Variants in SFT2D1 observed in about 807,000 individuals in gnomAD.
SFT2D1 encodes the protein SFT2 domain containing 1.
Under a neutral mutation model 28.1 loss-of-function variants are expected in SFT2D1, and 24 were observed. That is an observed-to-expected ratio of 0.85 (90% CI 0.62 to 1.20). The LOEUF (loss-of-function observed/expected upper bound fraction) is 1.20. Among genes scored for constraint, SFT2D1 ranks in the 50% most tolerant of loss-of-function variants. SFT2D1 has a pLI of 0.00. For synonymous variants in SFT2D1, 82 were observed against 73.7 expected (o/e 1.11, Z -0.58); for missense variants, 181 against 190.9 (o/e 0.95, Z 0.31).
At chr6:166,331,290 A>G (rs1778544035) in intron 1 of SFT2D1, 3 of 152,692 alleles carry the variant, frequency 2.0e-5, no homozygotes, top group Admixed American at 2.0e-4. Context: ...ATCCACTTAA[A>G]AATAAGACTA....
rs1562444110 is a variant in SFT2D1, at chr6:166,329,607, A to AT, written c.151-19_151-18insA. 6.4e-7 allele frequency: 1 copy of AT among 1,557,922 alleles called. No homozygotes were observed. The highest frequency in any genetic ancestry group is 8.7e-7 in the Non-Finnish European group (1 of 1,150,230). The stretch of plus-strand genomic sequence containing the variant: ...CCAGTTCCCTAAGTTAAGATATTAT[A>AT]GTTATTTTAAAATAATTTTATGATT... On this transcript the variant is annotated intron_variant, in intron 2 of 7. Transcript: ENST00000361731.
chr6:166,327,781 T>G (rs1045839077), intron 4 of SFT2D1, among the ~76,000 whole-genome samples: 6 of 152,088 alleles, frequency 3.9e-5, no homozygotes, highest in African/African-American at 1.5e-4. Flanking sequence ...CCATCTGAAC[T>G]CTATAACCAC....
intron 6 of SFT2D1, 55 bp downstream of exon 6, chr6:166,324,482 T>C: frequency 1.9e-6 from 3 of 1,550,898 alleles, no homozygotes; most frequent in Non-Finnish European, 2.6e-6. Flanking sequence ...CCAAACAAAA[T>C]GCTCGTCACG....
rs1202131513 is a variant in SFT2D1 at position 166,322,890 on chromosome 6, C to A, written c.411-4G>T. 1.2e-6 allele frequency: 2 copies of A among 1,611,134 alleles called. No homozygotes were observed. Among genetic ancestry groups the A allele is most frequent in the African/African-American group, 2.7e-5 (2 of 74,848 alleles). ...TGGGATGTACGACAGGCTATACCTGCAAGAAATATTCAAGCATGTTGAATC... is the reference window on the plus strand; with the variant it reads ...TGGGATGTACGACAGGCTATACCTGAAAGAAATATTCAAGCATGTTGAATC... On this transcript the variant is annotated splice_polypyrimidine_tract_variant and splice_region_variant and intron_variant, in intron 6 of 7. Transcript: ENST00000361731.
chr6:166,324,870 TAG>T (rs1778416117), intron 5 of SFT2D1, among the ~76,000 whole-genome samples: 1 of 152,246 alleles, frequency 6.6e-6, no homozygotes, highest in South Asian at 2.1e-4. Context: ...CTGAAAACAT[TAG>T]ACTTTTAAAG....
chr6:166,322,792 A>T, intron 7 of SFT2D1, 65 bp downstream of exon 7: 1 of 1,336,872 alleles, frequency 7.5e-7, no homozygotes, highest in Non-Finnish European at 1.1e-6. Context: ...AAATTACTTA[A>T]ATTCATATAT....
At chr6:166,328,384 G>A in intron 3 of SFT2D1, 27 bp from the exon 4 acceptor site, 2 of 1,321,804 alleles carry the variant, frequency 1.5e-6, no homozygotes, top group East Asian at 2.5e-5. Flanking sequence ...AAGTGACTGA[G>A]GTACAGGTCT....
intron 7 of SFT2D1, among the ~76,000 whole-genome samples, chr6:166,321,622 C>T (rs1290720675): frequency 6.6e-6 from 1 of 152,212 alleles, no homozygotes; most frequent in Non-Finnish European, 1.5e-5. Context: ...CAATTTCCTT[C>T]ACTGTTCGTA....
intron 1 of SFT2D1, among the ~76,000 whole-genome samples, chr6:166,331,674 T>C (rs752364123): frequency 6.6e-6 from 1 of 152,160 alleles, no homozygotes; most frequent in Non-Finnish European, 1.5e-5. Flanking sequence ...CTGCAAAGAC[T>C]GAATTACATA....
intron 2 of SFT2D1, 117 bp downstream of exon 2, chr6:166,330,044 C>T: frequency 1.5e-6 from 1 of 688,464 alleles, no homozygotes; most frequent in Non-Finnish European, 2.3e-6. Flanking sequence ...TAATAAATAC[C>T]TTCCACCAAA....
chr6:166,336,472 A>T (rs1474265656), intron 1 of SFT2D1, among the ~76,000 whole-genome samples: 1 of 152,156 alleles, frequency 6.6e-6, no homozygotes, highest in African/African-American at 2.4e-5. Flanking sequence ...TAATTCTCTT[A>T]AAAAAACACT....
At chr6:166,334,042 G>A (rs1306518289) in intron 1 of SFT2D1, among the ~76,000 whole-genome samples, 1 of 152,176 alleles carries the variant, frequency 6.6e-6, no homozygotes, top group Non-Finnish European at 1.5e-5. Context: ...ATGCTATTGG[G>A]CTTTTTCCTC....
At chr6:166,329,327 G>A (rs551020891) in intron 3 of SFT2D1, among the ~76,000 whole-genome samples, 180 bp downstream of exon 3, 27 of 152,208 alleles carry the variant, frequency 1.8e-4, no homozygotes, top group Non-Finnish European at 2.9e-4. Flanking sequence ...CACTAATACC[G>A]TCTGTTATGG....
At position 166,334,896 on chromosome 6, in the gene SFT2D1, T is replaced by C. The variant is rs551692823; in HGVS notation, c.64-4649A>G. On this transcript the variant is annotated intron_variant, in intron 1 of 7. Coordinates refer to ENST00000361731, the MANE Select transcript of SFT2D1 (RefSeq NM_145169.3). The stretch of plus-strand genomic sequence containing the variant: ...ACGAGGTGCCCAACTGTGAAAAAGA[T>C]ATTTGCTGGCGGCATTAAAGAAGAC... 9.9e-5 allele frequency: 42 copies of C among 422,648 alleles called. 1 individual carries two copies. Among genetic ancestry groups the C allele is most frequent in the South Asian group, 7.9e-4 (40 of 50,826 alleles). The allele number at this position is 422,648 out of a possible 1,614,324, so 26.2% of individuals were successfully genotyped here. A position where few individuals can be genotyped will look rare whatever the true frequency, so the allele number is the denominator to read the frequency against.
intron 1 of SFT2D1, among the ~76,000 whole-genome samples, chr6:166,331,692 A>C (rs1408373512): frequency 1.3e-5 from 2 of 152,256 alleles, no homozygotes; most frequent in African/African-American, 4.8e-5. Flanking sequence ...ATAGTAAATG[A>C]TCTGTTAAAA....
intron 1 of SFT2D1, among the ~76,000 whole-genome samples, chr6:166,336,720 C>A (rs769248058): frequency 7.2e-5 from 11 of 152,178 alleles, no homozygotes; most frequent in Non-Finnish European, 1.6e-4. Context: ...CAGGCACACA[C>A]CATCACGCTC....
chr6:166,339,008 C>T (rs937117522), intron 1 of SFT2D1, among the ~76,000 whole-genome samples: 1 of 152,100 alleles, frequency 6.6e-6, no homozygotes, highest in African/African-American at 2.4e-5. Flanking sequence ...CCTGTCAAGA[C>T]CCAATTCCAA....
At chr6:166,335,913 G>A (rs946943052) in intron 1 of SFT2D1, among the ~76,000 whole-genome samples, 2 of 152,180 alleles carry the variant, frequency 1.3e-5, no homozygotes, top group Admixed American at 6.5e-5. Flanking sequence ...TCACGTGTAT[G>A]AGCAAAAAAC....
rs199530684 is a variant in SFT2D1, at chr6:166,329,530, G to C, written c.210C>G (p.Leu70=). The change falls in exon 3 of 8, where the codon CTC becomes CTG. Residue 70 remains leucine, a synonymous_variant. Coordinates refer to ENST00000361731, the MANE Select transcript of SFT2D1 (RefSeq NM_145169.3). ...ACCTGGCTAACGCAGCAAGATTGCCGAGGGTATAAAACACTGCAAAAAGCT... is the reference window on the plus strand; with the variant it reads ...ACCTGGCTAACGCAGCAAGATTGCCCAGGGTATAAAACACTGCAAAAAGCT... ...GIKLFAVFYT[L]GNLAALASTC... 53 of 1,609,042 alleles carry C rather than the reference G, an allele frequency of 3.3e-5. No individual in the cohort carries two copies. Among genetic ancestry groups the C allele is most frequent in the Middle Eastern group, 1.6e-4 (1 of 6,064 alleles).
Sources: gnomAD v4.1 joint callset for allele counts (sites outside exome capture counted in the v4.1 genomes callset) on GRCh38, gnomAD v4.1.1 for gene constraint, MANE v1.5 for transcripts, NCBI Gene and HGNC (gene_info 2026-07-23, HGNC 2026-07-21) for gene names.